EDNRB: variants seen among roughly 807,000 people sequenced by gnomAD.
EDNRB encodes Hirschsprung disease 2.
EDNRB carries 18 observed loss-of-function variants against 46.4 expected under a neutral mutation model. The observed-to-expected ratio is 0.39, with a 90% CI of 0.27 to 0.57. EDNRB has a LOEUF of 0.57. Ranked by LOEUF, EDNRB falls within the 20% of genes least tolerant of loss-of-function variation. The pLI is 0.61. For missense variants in EDNRB, 434 were observed against 537.5 expected (o/e 0.81, Z 1.90); for synonymous variants, 213 against 204.9 (o/e 1.04, Z -0.34).
intron 1 of EDNRB, among the ~76,000 whole-genome samples, chr13:77,958,690 G>A (rs759610522): frequency 6.6e-6 from 1 of 152,160 alleles, no homozygotes; most frequent in Non-Finnish European, 1.5e-5. Context: ...TTATTTTAAT[G>A]TGCAGCCAGC....
At chr13:77,969,425 A>G (rs541373253) in intron 1 of EDNRB, among the ~76,000 whole-genome samples, 1 of 152,292 alleles carries the variant, frequency 6.6e-6, no homozygotes, top group East Asian at 1.9e-4. Flanking sequence ...GGAGTGTGGT[A>G]CAATTATGTC....
chr13:77,923,417 C>A (rs1337471033), upstream of EDNRB, among the ~76,000 whole-genome samples: 1 of 152,150 alleles, frequency 6.6e-6, no homozygotes, highest in Non-Finnish European at 1.5e-5. Flanking sequence ...AAATTCCAGT[C>A]TAAGAAGGCA....
At chr13:77,921,326 A>G (rs1433492584), upstream of EDNRB, among the ~76,000 whole-genome samples, 4 of 152,240 alleles carry the variant, frequency 2.6e-5, no homozygotes, top group Non-Finnish European at 4.4e-5. Flanking sequence ...GTAAATATAC[A>G]CATTCCTCAT....
chr13:77,938,208 A>G (rs1164234199), intron 1 of EDNRB, among the ~76,000 whole-genome samples: 1 of 152,086 alleles, frequency 6.6e-6, no homozygotes, highest in Non-Finnish European at 1.5e-5. Context: ...AAGAGAGAGT[A>G]GAGACACAGA....
intron 1 of EDNRB, among the ~76,000 whole-genome samples, chr13:77,970,399 G>A (rs73552435): frequency 0.2 from 30,640 of 151,902 alleles, 3,599 homozygotes; most frequent in East Asian, 0.54. Context: ...TGGGAGAATC[G>A]GCAAGACTCC....
intron 1 of EDNRB, among the ~76,000 whole-genome samples, chr13:77,933,038 A>G (rs1199653086): frequency 6.6e-6 from 1 of 152,254 alleles, no homozygotes. Context: ...TATATGTTTA[A>G]GATATGTTGA....
At chr13:77,946,487 A>G (rs1345427464) in intron 1 of EDNRB, among the ~76,000 whole-genome samples, 1 of 152,082 alleles carries the variant, frequency 6.6e-6, no homozygotes, top group African/African-American at 2.4e-5. Flanking sequence ...TGCAGCTAAG[A>G]TTTGCCTTAC....
At chr13:77,940,021 A>AATAC (rs1336180818) in intron 1 of EDNRB, 7 of 151,514 alleles carry the variant, frequency 4.6e-5, no homozygotes, top group Non-Finnish European at 7.4e-5. Flanking sequence ...TAAATAAATA[A>AATAC]ATAAAATAAA....
chr13:77,896,613 G>C lies in EDNRB; in HGVS notation c.*1587C>G, dbSNP rs200016870. 2.0e-6 allele frequency: 3 copies of C among 1,535,848 alleles called. No individual in the cohort carries two copies. In the African/African-American group the frequency reaches 4.2e-5, roughly 21 times the overall value. ...GGGCATATTTTAAGACCGAGTTAAA[G>C]CTCTTGGGCCCAATTTATTTCGAAA... On this transcript the variant is annotated 3_prime_UTR_variant, in exon 7 of 7. Transcript: ENST00000646607.
chr13:77,927,535 G>T (rs1880271510), intron 1 of EDNRB, among the ~76,000 whole-genome samples: 1 of 152,190 alleles, frequency 6.6e-6, no homozygotes, highest in Admixed American at 6.5e-5. Context: ...TTGACAATCA[G>T]GAACCTGATA....
Position 77,918,265 on chromosome 13 carries a change from G to A in EDNRB, c.309C>T (p.Ile103=). The A allele has an allele frequency of 6.2e-7, 1 of 1,613,960 alleles. No individual in the cohort carries two copies. The highest frequency in any genetic ancestry group is 1.6e-4 in the Middle Eastern group (1 of 6,062). Reference sequence around the variant, plus strand: ...ACACAAGGCAGGACACAACCGTGTTGATGTATTTGAAAGTCTCCTTGATCT... The same window carrying A: ...ACACAAGGCAGGACACAACCGTGTTAATGTATTTGAAAGTCTCCTTGATCT... The part of the protein sequence containing the change: ...PIEIKETFKY[I]NTVVSCLVFV... Residue 103 remains isoleucine (I), a synonymous_variant, in exon 1 of 7, where the codon ATC becomes ATT. Transcript: ENST00000646607. This position sits in a 1 kb window ranked among gnomAD's most constrained non-coding sequence, Gnocchi z 4.5.
intron 1 of EDNRB, among the ~76,000 whole-genome samples, chr13:77,931,761 C>CAAAAAAAAAAAAAAAAAAAAAAAAA (rs1424831945): frequency 1.0e-5 from 1 of 97,772 alleles, no homozygotes; most frequent in Non-Finnish European, 2.0e-5. Flanking sequence ...AAAAAAAAAA[C>CAAAAAAAAAAAAAAAAAAAAAAAAA]AAAAAAAAAA....
intron 1 of EDNRB, among the ~76,000 whole-genome samples, chr13:77,934,461 G>A (rs1430506824): frequency 6.6e-6 from 1 of 152,138 alleles, no homozygotes; most frequent in Non-Finnish European, 1.5e-5. Context: ...CTATTAGACT[G>A]TATAGAGGTG....
chr13:77,961,687 TA>T (rs1881417973), intron 1 of EDNRB, among the ~76,000 whole-genome samples: 1 of 152,118 alleles, frequency 6.6e-6, no homozygotes, highest in Non-Finnish European at 1.5e-5. Context: ...AGGAAAGATC[TA>T]AAATTGACAC....
chr13:77,944,128 G>A (rs1005729596), intron 1 of EDNRB, among the ~76,000 whole-genome samples: 2 of 151,904 alleles, frequency 1.3e-5, no homozygotes, highest in African/African-American at 4.8e-5. Context: ...CAAACTCCAT[G>A]TTTTTTTCTG....
chr13:77,967,295 C>CAAAAGATG (rs1426373127), intron 1 of EDNRB, among the ~76,000 whole-genome samples: 6 of 152,142 alleles, frequency 3.9e-5, no homozygotes, highest in Non-Finnish European at 8.8e-5. Context: ...AAATAAACAT[C>CAAAAGATG]TTTTGCAGCC....
At chr13:77,900,001 A>T in intron 5 of EDNRB, 34 bp from the exon 6 acceptor site, 1 of 1,564,700 alleles carries the variant, frequency 6.4e-7, no homozygotes, top group Non-Finnish European at 8.8e-7. Context: ...TGTCTGAAAA[A>T]TATGCTATTC....
chr13:77,965,538 A>T (rs1185238597), intron 1 of EDNRB, among the ~76,000 whole-genome samples: 1 of 152,176 alleles, frequency 6.6e-6, no homozygotes, highest in African/African-American at 2.4e-5. Flanking sequence ...TATTGTTCAA[A>T]ACTCTGAGAT....
chr13:77,912,689 G>C (rs1035870357), intron 1 of EDNRB, among the ~76,000 whole-genome samples: 1 of 152,130 alleles, frequency 6.6e-6, no homozygotes, highest in African/African-American at 2.4e-5. Flanking sequence ...CAAGCTAAAA[G>C]CCTGGCTTTT....
Sources: gnomAD v4.1 joint callset for allele counts (sites outside exome capture counted in the v4.1 genomes callset) on GRCh38, gnomAD v4.1.1 for gene constraint, Gnocchi (gnomAD v3.1) non-coding constraint, MANE v1.5 for transcripts, NCBI Gene and HGNC (gene_info 2026-07-23, HGNC 2026-07-21) for gene names.